NEO1: variants seen among roughly 807,000 people sequenced by gnomAD.
NEO1 encodes the protein neogenin.
A neutral mutation model predicts 159.7 loss-of-function variants in NEO1; 63 were observed. The observed-to-expected ratio is 0.39, with a 90% CI of 0.32 to 0.49. The LOEUF (loss-of-function observed/expected upper bound fraction) is 0.49, where lower values mean the gene tolerates loss of function less well. NEO1 is among the 20% of genes least tolerant of loss of function. The pLI is 0.85. For synonymous variants in NEO1, 633 were observed against 662.0 expected, an observed-to-expected ratio of 0.96 and a Z score of 0.67; for missense variants, 1,615 against 1,831.0, an observed-to-expected ratio of 0.88 and a Z score of 2.15.
chr15:73,277,112 A>G (rs940845632), intron 21 of NEO1, among the ~76,000 whole-genome samples: 2 of 152,230 alleles, frequency 1.3e-5, no homozygotes, highest in African/African-American at 2.4e-5. Context: ...AACTTGCCCA[A>G]AGTCAAACAG....
At chr15:73,176,375 A>G (rs765869197) in intron 5 of NEO1, 28 bp from the exon 6 acceptor site, 7 of 1,439,820 alleles carry the variant, frequency 4.9e-6, no homozygotes, top group Middle Eastern at 1.8e-4. Flanking sequence ...ATTTTCATTA[A>G]TGTCTTAATT....
intron 20 of NEO1, 29 bp from the exon 21 acceptor site, chr15:73,274,663 T>C: frequency 3.1e-6 from 5 of 1,612,898 alleles, no homozygotes; most frequent in Non-Finnish European, 4.2e-6. Flanking sequence ...TTGCTCTTGT[T>C]TTTTCTTCCC....
At chr15:73,061,543 A>G (rs1000015975) in intron 1 of NEO1, among the ~76,000 whole-genome samples, 1 of 152,252 alleles carries the variant, frequency 6.6e-6, no homozygotes, top group African/African-American at 2.4e-5. Flanking sequence ...CCCTCTGGCC[A>G]TGACATTTAT....
chr15:73,084,876 G>T (rs1041913622), intron 1 of NEO1, among the ~76,000 whole-genome samples: 1 of 151,686 alleles, frequency 6.6e-6, no homozygotes, highest in African/African-American at 2.4e-5. Context: ...ATAGTTTTAG[G>T]TTTCATCTTT....
At chr15:73,092,610 A>G (rs2069757073) in intron 1 of NEO1, among the ~76,000 whole-genome samples, 1 of 152,168 alleles carries the variant, frequency 6.6e-6, no homozygotes, top group Admixed American at 6.5e-5. Flanking sequence ...ATTTCAAGTC[A>G]GTCATAAAGA....
chr15:73,122,382 A>G, intron 2 of NEO1, 143 bp from the exon 3 acceptor site: 1 of 687,624 alleles, frequency 1.5e-6, no homozygotes, highest in Non-Finnish European at 2.4e-6. Context: ...CCCTGTATTT[A>G]GCTAATTTCC....
intron 7 of NEO1, among the ~76,000 whole-genome samples, chr15:73,191,248 C>T (rs2036222075): frequency 6.6e-6 from 1 of 152,042 alleles, no homozygotes; most frequent in Non-Finnish European, 1.5e-5. Context: ...ACAGTCATCT[C>T]TGCACAGCAC....
chr15:73,273,706 A>C, intron 19 of NEO1, 105 bp from the exon 20 acceptor site: 2 of 810,814 alleles, frequency 2.5e-6, no homozygotes, highest in Admixed American at 5.6e-5. Flanking sequence ...TTATTCAAAT[A>C]TTATGCTATA....
chr15:73,228,550 T>G (rs1256560917), intron 7 of NEO1, among the ~76,000 whole-genome samples: 1 of 151,966 alleles, frequency 6.6e-6, no homozygotes, highest in African/African-American at 2.4e-5. Flanking sequence ...TGGGTTGTTT[T>G]TTGTTGTTGT....
chr15:73,056,207 A>G (rs1327932693), intron 1 of NEO1, among the ~76,000 whole-genome samples: 3 of 152,242 alleles, frequency 2.0e-5, no homozygotes, highest in African/African-American at 7.2e-5. Flanking sequence ...TGCACCTTGC[A>G]TTCCACCACT....
chr15:73,184,853 G>A (rs981096799), intron 7 of NEO1, among the ~76,000 whole-genome samples: 25 of 152,108 alleles, frequency 1.6e-4, no homozygotes, highest in African/African-American at 5.3e-4. Context: ...ACTTGAACCC[G>A]GGAGGCGAAG....
chr15:73,190,616 T>C (rs2036188041), intron 7 of NEO1, among the ~76,000 whole-genome samples: 1 of 152,146 alleles, frequency 6.6e-6, no homozygotes, highest in Non-Finnish European at 1.5e-5. Context: ...TAGCAGGAAA[T>C]TGTTACTCAT....
intron 4 of NEO1, among the ~76,000 whole-genome samples, chr15:73,130,312 C>CCT (rs2030936250): frequency 6.7e-6 from 1 of 149,136 alleles, no homozygotes; most frequent in Non-Finnish European, 1.5e-5. Context: ...TTTCCCGCCC[C>CCT]CCCCGCCGCA....
chr15:73,195,673 T>C (rs538133715), intron 7 of NEO1, among the ~76,000 whole-genome samples: 23 of 152,286 alleles, frequency 1.5e-4, no homozygotes, highest in African/African-American at 4.1e-4. Flanking sequence ...TTTCCCCTTA[T>C]ATAGCATGTA....
intron 22 of NEO1, 81 bp from the exon 23 acceptor site, chr15:73,282,883 A>G (rs2041790128): frequency 1.3e-6 from 2 of 1,496,164 alleles, no homozygotes; most frequent in Non-Finnish European, 1.8e-6. Context: ...TTCACGTGAG[A>G]TATTAATGGT....
At chr15:73,188,839 T>G (rs528983801) in intron 7 of NEO1, among the ~76,000 whole-genome samples, 142 of 152,330 alleles carry the variant, frequency 9.3e-4, no homozygotes, top group Non-Finnish European at 1.4e-3. Flanking sequence ...GGCTCACCCC[T>G]GTAATCCCAG....
chr15:73,249,767 T>G (rs118149616), intron 11 of NEO1, 46 bp downstream of exon 11: 1 of 1,557,736 alleles, frequency 6.4e-7, no homozygotes, highest in Non-Finnish European at 8.6e-7. Context: ...TTGGTGCCCC[T>G]AGTGGTTTAG....
intron 16 of NEO1, among the ~76,000 whole-genome samples, chr15:73,269,524 CTAATTTTTGTATTTTTAGT>C (rs2041070533): frequency 6.6e-6 from 1 of 152,052 alleles, no homozygotes; most frequent in African/African-American, 2.4e-5. Flanking sequence ...CCATGCCCAG[CTAATTTTTGTATTTTTAGT>C]AGAGACAGGT....
At chr15:73,182,740 A>G (rs908664206) in intron 7 of NEO1, among the ~76,000 whole-genome samples, 4 of 152,138 alleles carry the variant, frequency 2.6e-5, no homozygotes, top group African/African-American at 7.2e-5. Flanking sequence ...AACCACCCCC[A>G]TGATTTAATT....
Sources: allele counts gnomAD v4.1 joint callset (sites outside exome capture counted in the v4.1 genomes callset), GRCh38; gene constraint gnomAD v4.1.1; transcripts MANE v1.5; gene names NCBI Gene and HGNC (gene_info 2026-07-23, HGNC 2026-07-21).